Variants in CSMD3 observed in about 807,000 individuals in gnomAD.
CSMD3 encodes CUB and sushi domain-containing protein 3.
CSMD3 carries 177 observed loss-of-function variants against 435.2 expected under a neutral mutation model. The observed-to-expected ratio is 0.41, with a 90% CI of 0.36 to 0.46. The LOEUF is 0.46. Among genes scored for constraint, CSMD3 ranks in the 20% least tolerant of loss-of-function variants. The probability of loss-of-function intolerance (pLI) is 0.34; values close to 1 mark genes in which losing one functional copy is unlikely to be tolerated. For synonymous variants in CSMD3, 1,656 were observed against 1,520.5 expected, an observed-to-expected ratio of 1.09 and a Z score of -2.07; for missense variants, 4,265 against 4,504.6, an observed-to-expected ratio of 0.95 and a Z score of 1.52.
chr8:113,029,791 G>T (rs2087015086), intron 5 of CSMD3, among the ~76,000 whole-genome samples: 1 of 151,398 alleles, frequency 6.6e-6, no homozygotes, highest in Admixed American at 6.6e-5. Flanking sequence ...TCAGACAAGA[G>T]AAAGAAATAA....
Position 113,112,480 on chromosome 8 carries a change from C to CGT in CSMD3, c.710-13518_710-13517insAC, listed in dbSNP as rs1200837881. 6.2e-3 allele frequency among the ~76,000 whole-genome samples: 761 copies of CGT among 123,266 alleles called. 38 individuals carry two copies. Among genetic ancestry groups the CGT allele is most frequent in the African/African-American group, 0.021 (685 of 31,920 alleles). 80.9% of individuals were successfully genotyped at this position (123,266 alleles called of 152,430 possible). A position where few individuals can be genotyped will look rare whatever the true frequency, so the allele number is the denominator to read the frequency against. Reference sequence around the variant, plus strand: ...ACACACACACACACACACGTACACACACACACACACACACACACACACTTG... The same window carrying CGT: ...ACACACACACACACACACGTACACACGTACACACACACACACACACACACTTG... On this transcript the variant is annotated intron_variant, in intron 4 of 70. Coordinates refer to ENST00000297405, the MANE Select transcript of CSMD3 (RefSeq NM_198123.2).
intron 5 of CSMD3, among the ~76,000 whole-genome samples, chr8:113,089,339 G>A (rs771055490): frequency 6.8e-4 from 103 of 151,470 alleles, no homozygotes; most frequent in Non-Finnish European, 1.4e-3. Flanking sequence ...ACTTAACAAA[G>A]GCAATTGTTC....
At chr8:112,376,718 C>A (rs962688241) in intron 38 of CSMD3, among the ~76,000 whole-genome samples, 11 of 152,104 alleles carry the variant, frequency 7.2e-5, no homozygotes, top group African/African-American at 2.7e-4. Context: ...GATATATATA[C>A]CAACATTATA....
At chr8:112,584,585 G>A (rs905360981) in intron 23 of CSMD3, among the ~76,000 whole-genome samples, 6 of 151,524 alleles carry the variant, frequency 4.0e-5, no homozygotes, top group Non-Finnish European at 5.9e-5. Context: ...TTTTGTTTTG[G>A]TCAGAATCCA....
chr8:113,345,892 C>A (rs1440952584), intron 1 of CSMD3, among the ~76,000 whole-genome samples: 1 of 151,898 alleles, frequency 6.6e-6, no homozygotes, highest in East Asian at 2.0e-4. Flanking sequence ...ACTTAGCTGT[C>A]CACAGCTATG....
chr8:113,135,220 A>C (rs1007518472), intron 4 of CSMD3, among the ~76,000 whole-genome samples: 2 of 152,024 alleles, frequency 1.3e-5, no homozygotes, highest in Admixed American at 6.6e-5. Flanking sequence ...AACTTGTTAT[A>C]TGTACACACA....
chr8:113,355,335 A>C (rs67014153), intron 1 of CSMD3, among the ~76,000 whole-genome samples: 17,143 of 151,944 alleles, frequency 0.11, 1,045 homozygotes, highest in Middle Eastern at 0.18. Flanking sequence ...TCTGGCTGCT[A>C]CAACAAAATA....
intron 6 of CSMD3, among the ~76,000 whole-genome samples, chr8:112,983,361 T>C (rs2085122730): frequency 6.6e-6 from 1 of 151,730 alleles, no homozygotes; most frequent in South Asian, 2.1e-4. Context: ...TTGTAGATGT[T>C]CTTTAATGCC....
At chr8:113,436,047 A>G (rs2094704148) in intron 1 of CSMD3, among the ~76,000 whole-genome samples, 1 of 152,010 alleles carries the variant, frequency 6.6e-6, no homozygotes, top group African/African-American at 2.4e-5. Flanking sequence ...TTTACACTTC[A>G]TGGCATTTCA....
intron 4 of CSMD3, among the ~76,000 whole-genome samples, chr8:113,143,045 G>T (rs1193932479): frequency 6.6e-6 from 1 of 150,664 alleles, no homozygotes; most frequent in Non-Finnish European, 1.5e-5. Flanking sequence ...ACAGCCTGGG[G>T]AATATTTGCA....
intron 5 of CSMD3, among the ~76,000 whole-genome samples, chr8:113,049,741 G>A (rs1276890796): frequency 1.3e-5 from 2 of 152,068 alleles, no homozygotes; most frequent in East Asian, 3.8e-4. Context: ...ATCTTAGAAA[G>A]GAATGTAAAA....
At position 112,281,777 on chromosome 8, in the gene CSMD3, A is replaced by G. The variant is rs80203629; in HGVS notation, c.9332-427T>C. Among the ~76,000 whole-genome samples the G allele has an allele frequency of 2.1e-3, 320 of 152,304 alleles. 1 individual carries two copies. Among genetic ancestry groups the G allele is most frequent in the African/African-American group, 7.1e-3 (296 of 41,578 alleles). On this transcript the variant is annotated intron_variant, in intron 58 of 70. Transcript: ENST00000297405. Reference sequence around the variant, plus strand: ...CATTTATATTTCAGAAAAGACAGATACACAATTTTAATATTGTAAGCATCT... The same window carrying G: ...CATTTATATTTCAGAAAAGACAGATGCACAATTTTAATATTGTAAGCATCT...
intron 16 of CSMD3, among the ~76,000 whole-genome samples, chr8:112,670,205 TGAGG>T (rs1470546995): frequency 1.3e-5 from 2 of 151,970 alleles, no homozygotes; most frequent in Non-Finnish European, 2.9e-5. Flanking sequence ...ACAGAAAAAC[TGAGG>T]GAGGATATTG....
chr8:112,950,942 T>C (rs1468666150), intron 8 of CSMD3, among the ~76,000 whole-genome samples: 1 of 151,988 alleles, frequency 6.6e-6, no homozygotes, highest in Non-Finnish European at 1.5e-5. Flanking sequence ...ATTATTTTGA[T>C]TGTCAAGTTA....
chr8:112,830,503 A>C lies in CSMD3; in HGVS notation c.1756-714T>G, dbSNP rs189579749. ...ATTTAATTAAATTGCAATTTTAAAAATAGCTATAATATTGAAAAAATGTAA... is the reference window on the plus strand; with the variant it reads ...ATTTAATTAAATTGCAATTTTAAAACTAGCTATAATATTGAAAAAATGTAA... On this transcript the variant is annotated intron_variant, in intron 11 of 70. Coordinates refer to ENST00000297405, the MANE Select transcript of CSMD3 (RefSeq NM_198123.2). Among the ~76,000 whole-genome samples the C allele has an allele frequency of 4.0e-3, 607 of 152,256 alleles. 2 individuals carry two copies. The highest frequency in any genetic ancestry group is 0.014 in the African/African-American group (577 of 41,558).
chr8:112,331,298 G>A (rs1473461457), intron 45 of CSMD3, among the ~76,000 whole-genome samples: 1 of 151,852 alleles, frequency 6.6e-6, no homozygotes, highest in African/African-American at 2.4e-5. Flanking sequence ...AGAAAATGCG[G>A]TTCTTATTTT....
chr8:112,399,252 G>A (rs954347681), intron 35 of CSMD3, among the ~76,000 whole-genome samples: 1 of 129,806 alleles, frequency 7.7e-6, no homozygotes, highest in East Asian at 2.3e-4. Flanking sequence ...AAATATAGAA[G>A]TTTTGATTCC....
At position 113,290,684 on chromosome 8, in the gene CSMD3, A is replaced by C. The variant is rs751421739; in HGVS notation, c.402-11980T>G. Among the ~76,000 whole-genome samples the C allele has an allele frequency of 2.6e-4, 40 of 151,676 alleles. 1 individual carries two copies. The highest frequency in any genetic ancestry group is 4.4e-4 in the Non-Finnish European group (30 of 67,654). ...ACATCATAAAGAAAACATTAACATG[A>C]GAATGCAGTGACATGGAACGTACAT... On this transcript the variant is annotated intron_variant, in intron 2 of 70. Transcript: ENST00000297405.
intron 4 of CSMD3, among the ~76,000 whole-genome samples, chr8:113,152,384 T>C (rs148137076): frequency 2.0e-5 from 3 of 152,146 alleles, no homozygotes; most frequent in Non-Finnish European, 4.4e-5. Flanking sequence ...TGGTTCCTTA[T>C]ATGGGGAGAT....
Sources: allele counts gnomAD v4.1 joint callset (sites outside exome capture counted in the v4.1 genomes callset), GRCh38; gene constraint gnomAD v4.1.1; transcripts MANE v1.5; gene names NCBI Gene and HGNC (gene_info 2026-07-23, HGNC 2026-07-21).